PTPRZ1: variants seen among roughly 807,000 people sequenced by gnomAD.
PTPRZ1 encodes receptor-type tyrosine-protein phosphatase zeta.
Under a neutral mutation model 214.1 loss-of-function variants are expected in PTPRZ1, and 82 were observed. The observed-to-expected ratio is 0.38, with a 90% CI of 0.32 to 0.46. The LOEUF (loss-of-function observed/expected upper bound fraction) is 0.46, where lower values mean the gene tolerates loss of function less well. PTPRZ1 is among the 20% of genes least tolerant of loss of function. PTPRZ1 has a pLI of 1.00. For missense variants in PTPRZ1, 2,603 were observed against 2,748.7 expected (o/e 0.95, Z 1.19); for synonymous variants, 945 against 987.9 (o/e 0.96, Z 0.81).
intron 1 of PTPRZ1, among the ~76,000 whole-genome samples, chr7:121,899,069 A>G (rs528600911): frequency 1.3e-5 from 2 of 152,272 alleles, no homozygotes; most frequent in African/African-American, 2.4e-5. Context: ...TTTCTTTTCC[A>G]TCTCTCAGCT....
intron 1 of PTPRZ1, among the ~76,000 whole-genome samples, chr7:121,878,754 A>G (rs1794140769): frequency 6.6e-6 from 1 of 152,142 alleles, no homozygotes; most frequent in Non-Finnish European, 1.5e-5. Flanking sequence ...TCATTCATTC[A>G]TTGTTAAATT....
Position 122,058,890 on chromosome 7 carries a change from G to A in PTPRZ1, c.6619G>A (p.Val2207Ile). The change falls in exon 28 of 30, where the codon GTT (valine) becomes ATT (isoleucine). Residue 2207 changes from valine (V) to isoleucine (I), a missense_variant. Physicochemically the swap from Val to Ile is conservative, Grantham distance 29 (BLOSUM62 3). Transcript: ENST00000393386. ...PISKTFELIS[V>I]IKEEAANRDG... ...TAGTAAAACTTTTGAACTTATAAGTGTTATAAAAGAAGAAGCTGCCAATAG... is the reference window on the plus strand; with the variant it reads ...TAGTAAAACTTTTGAACTTATAAGTATTATAAAAGAAGAAGCTGCCAATAG... The A allele has an allele frequency of 6.3e-7, 1 of 1,592,862 alleles. No individual in the cohort carries two copies. Among genetic ancestry groups the A allele is most frequent in the Non-Finnish European group, 8.6e-7 (1 of 1,161,028 alleles).
chr7:122,035,014 C>T (rs917622226), intron 17 of PTPRZ1, among the ~76,000 whole-genome samples: 2 of 152,102 alleles, frequency 1.3e-5, no homozygotes, highest in Non-Finnish European at 1.5e-5. Context: ...TTTGTTCCCT[C>T]TTATTTTTGT....
chr7:122,036,763 A>G (rs1799555297), intron 18 of PTPRZ1, 81 bp downstream of exon 18: 2 of 869,244 alleles, frequency 2.3e-6, no homozygotes, highest in Non-Finnish European at 3.7e-6. Context: ...ATGCATACAT[A>G]TACTAGTGCT....
At chr7:121,903,966 T>TCA (rs57176542) in intron 1 of PTPRZ1, among the ~76,000 whole-genome samples, 2,182 of 123,884 alleles carry the variant, frequency 0.018, 21 homozygotes, top group South Asian at 0.036. Context: ...TCTTTAAATC[T>TCA]CACACACACA....
At chr7:122,022,799 C>T (rs1374621455) in intron 13 of PTPRZ1, among the ~76,000 whole-genome samples, 2 of 152,116 alleles carry the variant, frequency 1.3e-5, no homozygotes, top group South Asian at 2.1e-4. Context: ...AATTAAAGGA[C>T]TCATGCTTCC....
intron 8 of PTPRZ1, among the ~76,000 whole-genome samples, chr7:121,992,795 C>T (rs995118518): frequency 6.6e-6 from 1 of 152,098 alleles, no homozygotes; most frequent in East Asian, 1.9e-4. Flanking sequence ...GAGTGGAATG[C>T]CAAAAATAAG....
chr7:121,959,905 G>A (rs1796824264), intron 2 of PTPRZ1, among the ~76,000 whole-genome samples: 1 of 152,222 alleles, frequency 6.6e-6, no homozygotes, highest in South Asian at 2.1e-4. Flanking sequence ...ATAAAGCTAT[G>A]ACTTACAGTG....
chr7:121,925,399 AC>A (rs1483152910), intron 1 of PTPRZ1, among the ~76,000 whole-genome samples: 2 of 152,240 alleles, frequency 1.3e-5, no homozygotes, highest in Admixed American at 1.3e-4. Flanking sequence ...AGAAAGTGAA[AC>A]AAAAATGTAT....
At position 122,011,784 on chromosome 7, in the gene PTPRZ1, G is replaced by A. The variant is rs767631983; in HGVS notation, c.2738G>A (p.Ser913Asn). 50 of 1,614,024 alleles carry A rather than the reference G, an allele frequency of 3.1e-5. No individual in the cohort carries two copies. Among genetic ancestry groups the A allele is most frequent in the Non-Finnish European group, 4.1e-5 (48 of 1,179,996 alleles). ...TTTTCTCAAGTTGAACCACCCAGCAGTGATGCCATGATGCATGCACGTTCT... is the reference window on the plus strand; with the variant it reads ...TTTTCTCAAGTTGAACCACCCAGCAATGATGCCATGATGCATGCACGTTCT... ...LMFSQVEPPS[S>N]DAMMHARSSG... The change falls in exon 12 of 30, where the codon AGT becomes AAT. Residue 913 changes from serine to asparagine, a missense_variant. Transcript: ENST00000393386.
intron 6 of PTPRZ1, among the ~76,000 whole-genome samples, chr7:121,980,220 C>T (rs1320224857): frequency 6.6e-6 from 1 of 152,112 alleles, no homozygotes; most frequent in East Asian, 1.9e-4. Flanking sequence ...CAATTTCTGG[C>T]TCTTTACCTA....
chr7:122,037,982 G>A (rs557243395), intron 18 of PTPRZ1, among the ~76,000 whole-genome samples: 6 of 152,196 alleles, frequency 3.9e-5, no homozygotes, highest in East Asian at 1.9e-4. Flanking sequence ...GGGAGGTCTC[G>A]GGAAACTTAC....
At chr7:121,948,236 C>G (rs958207031) in intron 2 of PTPRZ1, among the ~76,000 whole-genome samples, 1 of 152,002 alleles carries the variant, frequency 6.6e-6, no homozygotes, top group African/African-American at 2.4e-5. Flanking sequence ...AGTACCTGCT[C>G]TAATTAAGCT....
At position 122,054,018 on chromosome 7, in the gene PTPRZ1, A is replaced by T. The variant is rs1362571825; in HGVS notation, c.6361A>T (p.Ile2121Phe). 24 of 1,612,994 alleles carry T rather than the reference A, an allele frequency of 1.5e-5. No homozygotes were observed. Among genetic ancestry groups the T allele is most frequent in the Non-Finnish European group, 2.0e-5 (24 of 1,179,276 alleles). ...CCATAATGCCCAACTGGTGGTTATG[A>T]TTCCTGATGGCCAAAACATGGTAAG... ...WDHNAQLVVMIPDGQNMAEDE... is the reference protein window; with the variant it reads ...WDHNAQLVVMFPDGQNMAEDE... The change falls in exon 26 of 30, where the codon ATT becomes TTT. Residue 2121 changes from isoleucine (I) to phenylalanine (F), a missense_variant. By Grantham distance (21) the Ile-to-Phe change is conservative. Around this residue, in one of 6 missense-constraint regions of PTPRZ1, gnomAD observed 134 missense variants for 183.3 expected, o/e 0.73. Transcript: ENST00000393386.
intron 1 of PTPRZ1, among the ~76,000 whole-genome samples, chr7:121,922,281 G>A (rs972271890): frequency 1.3e-5 from 2 of 152,204 alleles, no homozygotes; most frequent in Admixed American, 6.5e-5. Context: ...TTCTGGCTGG[G>A]CACGGTGGCT....
intron 1 of PTPRZ1, among the ~76,000 whole-genome samples, chr7:121,923,766 C>T (rs1425145066): frequency 1.3e-5 from 2 of 151,656 alleles, no homozygotes; most frequent in Non-Finnish European, 2.9e-5. Context: ...GAAAACAAAA[C>T]TTTGATTTCC....
In PTPRZ1 at chr7:122,059,732, TTTC is replaced by T. The variant is rs1792506149; in HGVS notation, c.6672-18_6672-16del. On this transcript the variant is annotated intron_variant, in intron 28 of 29. Coordinates refer to ENST00000393386, the MANE Select transcript of PTPRZ1 (RefSeq NM_002851.3). ...GCATCTCAATGGAGTCTTTGTTCCT[TTTC>T]TTTTTTTTTTTTACAAGGCATGGAG... The T allele has an allele frequency of 1.9e-6, 3 of 1,587,100 alleles. No homozygotes were observed. The highest frequency in any genetic ancestry group is 2.6e-6 in the Non-Finnish European group (3 of 1,172,240).
intron 11 of PTPRZ1, among the ~76,000 whole-genome samples, chr7:122,007,965 A>T (rs1257867083): frequency 2.0e-5 from 3 of 152,134 alleles, no homozygotes; most frequent in South Asian, 4.1e-4. Context: ...GTAGGGTAGG[A>T]TTAATGAAGG....
rs1273243135 is a variant in PTPRZ1, at chr7:122,039,598, CA to C, written c.5637+14del. On this transcript the variant is annotated intron_variant, in intron 20 of 29. Transcript: ENST00000393386. ...CACAAAAATAAAAAAGGTGAGTCAACAAAATGATGGGCATAATCAAGTGAAC... is the reference window on the plus strand; with the variant it reads ...CACAAAAATAAAAAAGGTGAGTCAACAAATGATGGGCATAATCAAGTGAAC... 6.2e-7 allele frequency: 1 copy of C among 1,612,256 alleles called. No individual in the cohort carries two copies. Among genetic ancestry groups the C allele is most frequent in the Admixed American group, 1.7e-5 (1 of 59,786 alleles).
Sources: allele counts gnomAD v4.1 joint callset (sites outside exome capture counted in the v4.1 genomes callset), GRCh38; gene constraint gnomAD v4.1.1; regional missense constraint gnomAD v4.1.1; transcripts MANE v1.5; gene names NCBI Gene and HGNC (gene_info 2026-07-23, HGNC 2026-07-21).